Variants in DDHD1 observed in about 807,000 individuals in gnomAD.
DDHD1 encodes the protein phospholipase DDHD1.
Under a neutral mutation model 96.4 loss-of-function variants are expected in DDHD1, and 49 were observed. The ratio of observed to expected loss-of-function variants is 0.51; its 90% CI spans 0.40 to 0.64. The LOEUF (loss-of-function observed/expected upper bound fraction) is 0.64, where lower values mean the gene tolerates loss of function less well. Among genes scored for constraint, DDHD1 ranks in the 30% least tolerant of loss-of-function variants. The pLI is 0.00. For synonymous variants in DDHD1, 442 were observed against 446.5 expected, an observed-to-expected ratio of 0.99 and a Z score of 0.13; for missense variants, 1,106 against 1,161.2, an observed-to-expected ratio of 0.95 and a Z score of 0.69.
intron 2 of DDHD1, chr14:53,103,402 T>C (rs1347925241): frequency 2.8e-6 from 1 of 359,954 alleles, no homozygotes; most frequent in Non-Finnish European, 4.9e-6. Context: ...AAAAAATTAC[T>C]AAAAAAGATT....
At position 53,084,869 on chromosome 14, in the gene DDHD1, A is replaced by G. The variant is rs146908378; in HGVS notation, c.1289+6916T>C. 6.4e-3 allele frequency among the ~76,000 whole-genome samples: 971 copies of G among 152,320 alleles called. 15 individuals are homozygous for G. Among genetic ancestry groups the G allele is most frequent in the African/African-American group, 0.022 (916 of 41,568 alleles). On this transcript the variant is annotated intron_variant, in intron 4 of 12. Transcript: ENST00000673822. ...AGGGGTCTGGGGATTTCCCTTTCCT[A>G]GCCAAGGGAAGCCGTGACAGACTGT...
At chr14:53,058,344 A>T (rs1171917310) in intron 9 of DDHD1, 133 bp downstream of exon 9, 5 of 973,534 alleles carry the variant, frequency 5.1e-6, no homozygotes. Flanking sequence ...TGAACTCCTG[A>T]CCTCAGATGA....
In DDHD1 at chr14:53,091,933, C is replaced by T; in HGVS notation, c.1142-1G>A. The T allele has an allele frequency of 6.3e-7, 1 of 1,595,448 alleles. No individual in the cohort carries two copies. The highest frequency in any genetic ancestry group is 1.1e-5 in the South Asian group (1 of 87,298). Reference sequence around the variant, plus strand: ...TGAAGTCTGGTACCACTACTTGATGCTGTAGAAAAATTATAATTCTAAGTT... The same window carrying T: ...TGAAGTCTGGTACCACTACTTGATGTTGTAGAAAAATTATAATTCTAAGTT... On this transcript the variant is annotated splice_acceptor_variant, in intron 3 of 12. Transcript: ENST00000673822. LOFTEE classifies it high-confidence loss of function.
Position 53,093,425 on chromosome 14 carries a change from CAACTTGA to C in DDHD1, c.1025_1031del (p.Phe342Ter). On this transcript the variant is annotated frameshift_variant, in exon 3 of 13. Transcript: ENST00000673822. LOFTEE classifies it high-confidence loss of function. ...TGTGCCAGTCCACATGGTTTCGACTCAACTTGAAACTATGAACAGCTATTGCAAAAAG... is the reference window on the plus strand; with the variant it reads ...TGTGCCAGTCCACATGGTTTCGACTCAACTATGAACAGCTATTGCAAAAAG... 6.2e-7 allele frequency: 1 copy of C among 1,611,302 alleles called. No individual in the cohort carries two copies. Among genetic ancestry groups the C allele is most frequent in the Non-Finnish European group, 8.5e-7 (1 of 1,179,242 alleles).
chr14:53,130,181 C>T (rs1889761528), intron 1 of DDHD1, among the ~76,000 whole-genome samples: 1 of 152,170 alleles, frequency 6.6e-6, no homozygotes, highest in Admixed American at 6.5e-5. Context: ...ATCACCTCCC[C>T]TCCTCACACC....
In DDHD1 at chr14:53,055,901, T is replaced by G; in HGVS notation, c.2004A>C (p.Leu668Phe). 1 of 1,612,276 alleles carries G rather than the reference T, an allele frequency of 6.2e-7. No homozygotes were observed. The highest frequency in any genetic ancestry group is 8.5e-7 in the Non-Finnish European group (1 of 1,178,818). ...TGTAGTGTTTCAGTATTAATGGTTC[T>G]AATCTATAAGCCTTGATTTAAAAAA... ...FHPTDPVAYR[L>F]EPLILKHYSN... The change falls in exon 10 of 13, where the codon TTA becomes TTC. Residue 668 changes from leucine to phenylalanine, a missense_variant. Physicochemically the swap from Leu to Phe is conservative, Grantham distance 22 (BLOSUM62 0). Coordinates refer to ENST00000673822, the MANE Select transcript of DDHD1 (RefSeq NM_001160148.2).
chr14:53,057,267 A>G (rs1883133455), intron 9 of DDHD1, among the ~76,000 whole-genome samples: 1 of 152,196 alleles, frequency 6.6e-6, no homozygotes, highest in Non-Finnish European at 1.5e-5. Flanking sequence ...TCAGAGAATA[A>G]ATGCTATTTA....
chr14:53,152,658 C>T lies in DDHD1; in HGVS notation c.441G>A (p.Arg147=), dbSNP rs1371401647. The change falls in exon 1 of 13, where the codon CGG becomes CGA. Residue 147 remains arginine (R), a synonymous_variant. Coordinates refer to ENST00000673822, the MANE Select transcript of DDHD1 (RefSeq NM_001160148.2). The part of the protein sequence containing the change: ...GGSPGERKRT[R]LGGPAARHRY... ...GGTGCCGGGCCGCCGGGCCGCCAAGCCGGGTACGTTTCCTTTCCCCGGGGG... is the reference window on the plus strand; with the variant it reads ...GGTGCCGGGCCGCCGGGCCGCCAAGTCGGGTACGTTTCCTTTCCCCGGGGG... 2.5e-6 allele frequency: 4 copies of T among 1,613,124 alleles called. No individual in the cohort carries two copies. The African/African-American group carries it at 5.3e-5, about 21-fold the overall frequency.
Position 53,151,811 on chromosome 14 carries a change from C to A in DDHD1, c.838+450G>T, listed in dbSNP as rs566781649. On this transcript the variant is annotated intron_variant, in intron 1 of 12. Transcript: ENST00000673822. ...CAGGGATTCTTTTACTTTTCCTGAA[C>A]CCATAACTAAGCTGTTGATTCTCGA... 3.3e-5 allele frequency among the ~76,000 whole-genome samples: 5 copies of A among 152,282 alleles called. No individual in the cohort carries two copies. The South Asian group carries it at 6.2e-4, about 19-fold the overall frequency.
At chr14:53,093,157 T>A in intron 3 of DDHD1, 159 bp downstream of exon 3, 2 of 596,438 alleles carry the variant, frequency 3.4e-6, no homozygotes, top group Non-Finnish European at 5.2e-6. Flanking sequence ...ACATGTCAAC[T>A]CAATCAACTT....
chr14:53,059,379 G>T (rs1432454714), intron 8 of DDHD1, among the ~76,000 whole-genome samples: 1 of 151,998 alleles, frequency 6.6e-6, no homozygotes, highest in East Asian at 2.0e-4. Context: ...TGAGTAGCTG[G>T]AACTACAGGC....
intron 1 of DDHD1, among the ~76,000 whole-genome samples, chr14:53,114,951 C>G (rs192914765): frequency 6.6e-6 from 1 of 152,246 alleles, no homozygotes; most frequent in African/African-American, 2.4e-5. Context: ...CATGTCCTAA[C>G]CCAATGCATG....
At chr14:53,143,651 T>A (rs1187664238) in intron 1 of DDHD1, among the ~76,000 whole-genome samples, 1 of 152,146 alleles carries the variant, frequency 6.6e-6, no homozygotes. Context: ...AAGTAACTTG[T>A]GGAATGCTGA....
rs1891531492 is a variant in DDHD1 at position 53,152,737 on chromosome 14, T to C, written c.362A>G (p.Gln121Arg). ...GTTCGTCGGGACCAGCGGAGGCTGC[T>C]GCGGCGGGTGCAGCGACAAGGAGCT... ...GGSSLSLHPP[Q>R]QPPLVPTNSG... is the part of the protein sequence containing the mutation. Residue 121 changes from glutamine to arginine, a missense_variant, in exon 1 of 13, where the codon CAG (glutamine) becomes CGG (arginine). This residue lies in a region of DDHD1 where 456 missense variants were observed against 402.4 expected (regional missense o/e 1.13). Coordinates refer to ENST00000673822, the MANE Select transcript of DDHD1 (RefSeq NM_001160148.2). The C allele has an allele frequency of 1.3e-6, 2 of 1,587,452 alleles. No individual in the cohort carries two copies. The highest frequency in any genetic ancestry group is 1.7e-6 in the Non-Finnish European group (2 of 1,168,776).
chr14:53,079,612 C>T (rs1171160870), intron 4 of DDHD1, among the ~76,000 whole-genome samples: 1 of 152,060 alleles, frequency 6.6e-6, no homozygotes, highest in East Asian at 1.9e-4. Flanking sequence ...GTAGTAATGT[C>T]TCCTCCTTTA....
At chr14:53,107,867 T>C (rs1326267780) in intron 1 of DDHD1, among the ~76,000 whole-genome samples, 1 of 151,942 alleles carries the variant, frequency 6.6e-6, no homozygotes, top group Non-Finnish European at 1.5e-5. Context: ...ACCCGACCAA[T>C]CAGGTAGTAA....
At chr14:53,051,312 G>C (rs1187709638) in intron 12 of DDHD1, among the ~76,000 whole-genome samples, 3 of 151,734 alleles carry the variant, frequency 2.0e-5, no homozygotes, top group Non-Finnish European at 2.9e-5. Context: ...TGAAAATTAA[G>C]AGATTAAAAA....
At position 53,046,730 on chromosome 14, in the gene DDHD1, A is replaced by G. The variant is rs2139805070; in HGVS notation, c.*38T>C. 1 of 1,420,088 alleles carries G rather than the reference A, an allele frequency of 7.0e-7. No homozygotes were observed. The highest frequency in any genetic ancestry group is 9.4e-7 in the Non-Finnish European group (1 of 1,067,048). The allele number at this position is 1,420,088 out of a possible 1,614,324, so 88.0% of individuals were successfully genotyped here. A position where few individuals can be genotyped will look rare whatever the true frequency, so the allele number is the denominator to read the frequency against. ...CACACACATTTTAACGGAAAAAAAA[A>G]AAATCAGTTTTAGGCCATTCATGTC... is the stretch of plus-strand genomic sequence containing the variant. On this transcript the variant is annotated 3_prime_UTR_variant, in exon 13 of 13. Coordinates refer to ENST00000673822, the MANE Select transcript of DDHD1 (RefSeq NM_001160148.2).
chr14:53,094,037 T>C (rs1886664673), intron 2 of DDHD1, among the ~76,000 whole-genome samples: 1 of 150,876 alleles, frequency 6.6e-6, no homozygotes, highest in South Asian at 2.1e-4. Context: ...ATTAGCCGGG[T>C]GTGGTGGCGG....
Sources: gnomAD v4.1 joint callset for allele counts (sites outside exome capture counted in the v4.1 genomes callset) on GRCh38, gnomAD v4.1.1 for gene constraint, gnomAD v4.1.1 regional missense constraint, MANE v1.5 for transcripts, NCBI Gene and HGNC (gene_info 2026-07-23, HGNC 2026-07-21) for gene names.